SAMD4A: variants seen among roughly 807,000 people sequenced by gnomAD.
SAMD4A encodes the protein sterile alpha motif domain containing 4A, also known as protein Smaug homolog 1.
Under a neutral mutation model 81.3 loss-of-function variants are expected in SAMD4A, and 33 were observed. The ratio of observed to expected loss-of-function variants is 0.41; its 90% confidence interval spans 0.31 to 0.54. The LOEUF (loss-of-function observed/expected upper bound fraction) is 0.54, where lower values mean the gene tolerates loss of function less well. Among genes scored for constraint, SAMD4A ranks in the 20% least tolerant of loss-of-function variants. SAMD4A has a pLI of 0.37. For synonymous variants in SAMD4A, 389 were observed against 382.1 expected, an observed-to-expected ratio of 1.02 and a Z score of -0.21; for missense variants, 854 against 951.1, an observed-to-expected ratio of 0.90 and a Z score of 1.34.
intron 3 of SAMD4A, among the ~76,000 whole-genome samples, chr14:54,712,944 A>AT (rs2037027579): frequency 6.6e-6 from 1 of 152,152 alleles, no homozygotes; most frequent in Non-Finnish European, 1.5e-5. Context: ...CTAGCCTGGA[A>AT]GAGGGGAGGA....
chr14:54,732,875 C>T (rs1285479494), intron 3 of SAMD4A, among the ~76,000 whole-genome samples: 2 of 152,028 alleles, frequency 1.3e-5, no homozygotes, highest in Non-Finnish European at 1.5e-5. Flanking sequence ...TTAAAGAGTA[C>T]TAAATATTCT....
chr14:54,738,457 C>T (rs2037754663), intron 4 of SAMD4A, among the ~76,000 whole-genome samples: 1 of 152,200 alleles, frequency 6.6e-6, no homozygotes, highest in African/African-American at 2.4e-5. Context: ...CCATCCCACC[C>T]CCATTTCATT....
intron 4 of SAMD4A, among the ~76,000 whole-genome samples, chr14:54,743,084 C>G (rs1022538263): frequency 2.6e-5 from 4 of 152,108 alleles, no homozygotes; most frequent in Non-Finnish European, 1.5e-5. Context: ...GAAAAAGGAA[C>G]CTGTCAGAAA....
chr14:54,770,152 G>T lies in SAMD4A; in HGVS notation c.1645G>T (p.Val549Leu), dbSNP rs1404356199. Residue 549 changes from valine (V) to leucine (L), a missense_variant, in exon 9 of 13, where the codon GTG becomes TTG. Physicochemically the swap from Val to Leu is conservative, Grantham distance 32. Around this residue, in one of 3 missense-constraint regions of SAMD4A, gnomAD observed 428 missense variants for 471.2 expected, o/e 0.91. Coordinates refer to ENST00000554335, the MANE Select transcript of SAMD4A (RefSeq NM_015589.6). Reference protein sequence around the residue: ...KKRLLSWKQQVQKLFRSFPRK... With the variant: ...KKRLLSWKQQLQKLFRSFPRK... ...AAGATTGTTGTCATGGAAACAGCAG[G>T]TGCAGAAGCTCTTTCGGTCTTTCCC... The T allele has an allele frequency of 1.2e-6, 2 of 1,614,144 alleles. No individual in the cohort carries two copies. The highest frequency in any genetic ancestry group is 1.7e-6 in the Non-Finnish European group (2 of 1,179,982).
upstream of SAMD4A, among the ~76,000 whole-genome samples, chr14:54,565,413 C>A (rs1324108170): frequency 6.6e-6 from 1 of 152,254 alleles, no homozygotes; most frequent in Admixed American, 6.5e-5. This position sits in a 1 kb window ranked among gnomAD's most constrained non-coding sequence, Gnocchi z 5.4. Context: ...AGGCGCCGGG[C>A]CGGCCTCTAG....
At chr14:54,566,611 C>T (rs2032942532), upstream of SAMD4A, among the ~76,000 whole-genome samples, 1 of 151,752 alleles carries the variant, frequency 6.6e-6, no homozygotes, top group Admixed American at 6.6e-5. Flanking sequence ...CCGAAGGGAG[C>T]AGCGCTGCGG....
chr14:54,634,939 A>C (rs10150505), intron 2 of SAMD4A, among the ~76,000 whole-genome samples: 77 of 152,338 alleles, frequency 5.1e-4, no homozygotes, highest in African/African-American at 1.8e-3. Context: ...CCATGAGCCA[A>C]GAACTAAAGT....
chr14:54,656,405 A>T (rs1387584367), intron 2 of SAMD4A, among the ~76,000 whole-genome samples: 1 of 152,168 alleles, frequency 6.6e-6, no homozygotes, highest in East Asian at 1.9e-4. Context: ...GACCCATGTC[A>T]GCTTCTCTTT....
Position 54,775,220 on chromosome 14 carries a change from GGA to G in SAMD4A, c.1917+91_1917+92del, listed in dbSNP as rs2038812210. 2.7e-6 allele frequency: 4 copies of G among 1,497,116 alleles called. No individual in the cohort carries two copies. The Admixed American group carries it at 6.7e-5, about 25-fold the overall frequency. 92.7% of individuals were successfully genotyped at this position (1,497,116 alleles called of 1,614,324 possible). The stretch of plus-strand genomic sequence containing the variant: ...GTCCCCCCAGGTGACCCCAGGGTGG[GGA>G]GAGAGGCCAAAGGGGACTATGCTGG... On this transcript the variant is annotated intron_variant, in intron 10 of 12. Transcript: ENST00000554335.
chr14:54,634,429 C>T (rs199573756), intron 2 of SAMD4A, among the ~76,000 whole-genome samples: 4 of 152,210 alleles, frequency 2.6e-5, no homozygotes, highest in East Asian at 3.9e-4. Flanking sequence ...ACCTTTTTGG[C>T]ACCAGGGACT....
chr14:54,688,931 C>CTTTTTTTTTTT lies in SAMD4A; in HGVS notation c.197-13124_197-13114dup, dbSNP rs71127666. Among the ~76,000 whole-genome samples the CTTTTTTTTTTT allele has an allele frequency of 9.1e-3, 1,050 of 115,754 alleles. 22 individuals are homozygous for CTTTTTTTTTTT. Among genetic ancestry groups the CTTTTTTTTTTT allele is most frequent in the Non-Finnish European group, 0.013 (696 of 55,642 alleles). 75.9% of individuals were successfully genotyped at this position (115,754 alleles called of 152,430 possible). A position where few individuals can be genotyped will look rare whatever the true frequency, so the allele number is the denominator to read the frequency against. On this transcript the variant is annotated intron_variant, in intron 2 of 12. Coordinates refer to ENST00000554335, the MANE Select transcript of SAMD4A (RefSeq NM_015589.6). The stretch of plus-strand genomic sequence containing the variant: ...AGAGAGGGTCCCAGAAGTCGTAATT[C>CTTTTTTTTTTT]TTTTTTTTTTTTTTTTTGAGGCGGA...
intron 4 of SAMD4A, among the ~76,000 whole-genome samples, chr14:54,746,985 A>T (rs2037984638): frequency 6.6e-6 from 1 of 152,236 alleles, no homozygotes; most frequent in Admixed American, 6.5e-5. Flanking sequence ...AGCATGGTGG[A>T]AAATGAAGCC....
At chr14:54,788,329 C>T (rs958688398) in intron 12 of SAMD4A, among the ~76,000 whole-genome samples, 1 of 152,162 alleles carries the variant, frequency 6.6e-6, no homozygotes. Flanking sequence ...GGTCCACCTG[C>T]GTGTCCGTTG....
chr14:54,677,380 A>G (rs750101331), intron 2 of SAMD4A, among the ~76,000 whole-genome samples: 13 of 152,160 alleles, frequency 8.5e-5, no homozygotes, highest in Admixed American at 3.3e-4. Flanking sequence ...ACCAATCCCT[A>G]TTACCCTAAC....
intron 2 of SAMD4A, among the ~76,000 whole-genome samples, chr14:54,631,248 C>T (rs1387099172): frequency 6.6e-6 from 1 of 152,116 alleles, no homozygotes; most frequent in Non-Finnish European, 1.5e-5. Flanking sequence ...GGATGGCACC[C>T]TGCTTTACTC....
At chr14:54,729,271 G>A (rs144424853) in intron 3 of SAMD4A, among the ~76,000 whole-genome samples, 1 of 152,282 alleles carries the variant, frequency 6.6e-6, no homozygotes, top group Non-Finnish European at 1.5e-5. Flanking sequence ...GATGGATGCT[G>A]TATTGCATAA....
At chr14:54,663,576 C>A (rs965589787) in intron 2 of SAMD4A, among the ~76,000 whole-genome samples, 1 of 152,156 alleles carries the variant, frequency 6.6e-6, no homozygotes, top group African/African-American at 2.4e-5. Context: ...CATTGTACTG[C>A]ACCTTAGGAG....
chr14:54,764,177 G>A (rs2038477681), intron 7 of SAMD4A, among the ~76,000 whole-genome samples: 1 of 152,198 alleles, frequency 6.6e-6, no homozygotes, highest in Non-Finnish European at 1.5e-5. Flanking sequence ...TCACTGCTGT[G>A]TTCTTCCTCT....
intron 2 of SAMD4A, among the ~76,000 whole-genome samples, chr14:54,593,328 T>C (rs2033830064): frequency 6.6e-6 from 1 of 152,232 alleles, no homozygotes; most frequent in Non-Finnish European, 1.5e-5. Flanking sequence ...ACTATTAGTT[T>C]CGTATTCTGG....
Sources: gnomAD v4.1 joint callset for allele counts (sites outside exome capture counted in the v4.1 genomes callset) on GRCh38, gnomAD v4.1.1 for gene constraint, gnomAD v4.1.1 regional missense constraint, Gnocchi (gnomAD v3.1) non-coding constraint, MANE v1.5 for transcripts, NCBI Gene and HGNC (gene_info 2026-07-23, HGNC 2026-07-21) for gene names.